The following DLG2 variants were observed in gnomAD, a reference collection of about 807,000 sequenced individuals.
DLG2 encodes disks large homolog 2.
DLG2 carries 45 observed loss-of-function variants against 132.5 expected under a neutral mutation model. That is an observed-to-expected ratio of 0.34 (90% CI 0.27 to 0.44). DLG2 has a LOEUF of 0.44. DLG2 is among the 20% of genes least tolerant of loss of function. DLG2 has a pLI of 1.00. For synonymous variants in DLG2, 424 were observed against 419.6 expected (o/e 1.01, Z -0.13); for missense variants, 1,045 against 1,196.9 (o/e 0.87, Z 1.87).
At chr11:85,389,309 GA>G (rs1226745738) in intron 3 of DLG2, among the ~76,000 whole-genome samples, 2 of 151,994 alleles carry the variant, frequency 1.3e-5, no homozygotes, top group Non-Finnish European at 2.9e-5. Context: ...CAACAACAAA[GA>G]AAAAATAATT....
intron 3 of DLG2, among the ~76,000 whole-genome samples, chr11:85,302,646 T>TAAAA (rs202166044): frequency 2.8e-5 from 3 of 105,892 alleles, no homozygotes; most frequent in Non-Finnish European, 2.1e-5. Flanking sequence ...CTTGAAAAGT[T>TAAAA]AAAAAAAAAA....
chr11:85,122,822 TTA>T (rs1220324600), intron 5 of DLG2, among the ~76,000 whole-genome samples: 34 of 147,560 alleles, frequency 2.3e-4, no homozygotes, highest in Non-Finnish European at 3.1e-4. Flanking sequence ...TACATGCAAA[TTA>T]TATATATATA....
chr11:84,191,180 A>G (rs1028246193), intron 8 of DLG2, among the ~76,000 whole-genome samples: 4 of 152,116 alleles, frequency 2.6e-5, no homozygotes, highest in African/African-American at 7.2e-5. Context: ...CAGTTTCTCA[A>G]TTTCTATATT....
intron 6 of DLG2, among the ~76,000 whole-genome samples, chr11:85,059,858 T>G (rs1014860127): frequency 6.6e-6 from 1 of 151,730 alleles, no homozygotes; most frequent in Admixed American, 6.6e-5. Context: ...CCCTGTGAGC[T>G]TTTCTGCATT....
chr11:84,139,488 G>C (rs1323429515), intron 9 of DLG2, among the ~76,000 whole-genome samples: 1 of 151,420 alleles, frequency 6.6e-6, no homozygotes, highest in Non-Finnish European at 1.5e-5. Context: ...AATAGCAATT[G>C]GACTAGTAGT....
At chr11:84,920,411 CT>C (rs2092699599) in intron 6 of DLG2, among the ~76,000 whole-genome samples, 1 of 152,168 alleles carries the variant, frequency 6.6e-6, no homozygotes, top group Admixed American at 6.5e-5. Context: ...CAAAACCTTT[CT>C]TGATTAGTCC....
At chr11:84,347,883 A>G (rs1260291658) in intron 7 of DLG2, among the ~76,000 whole-genome samples, 1 of 152,200 alleles carries the variant, frequency 6.6e-6, no homozygotes, top group African/African-American at 2.4e-5. Flanking sequence ...TACAGATTGC[A>G]TAAGGGTTTA....
intron 6 of DLG2, among the ~76,000 whole-genome samples, chr11:84,680,171 C>G (rs909133479): frequency 1.2e-4 from 18 of 152,084 alleles, no homozygotes; most frequent in Admixed American, 5.9e-4. Flanking sequence ...CATAGTCAAC[C>G]TCCTTCCTCC....
chr11:85,241,347 A>G (rs1427918317), intron 4 of DLG2, among the ~76,000 whole-genome samples: 1 of 151,660 alleles, frequency 6.6e-6, no homozygotes, highest in Non-Finnish European at 1.5e-5. Context: ...TGTTGCTTTT[A>G]TTTCTTATTT....
chr11:84,910,321 T>C (rs1023296348), intron 6 of DLG2, among the ~76,000 whole-genome samples: 4 of 152,252 alleles, frequency 2.6e-5, no homozygotes, highest in African/African-American at 9.6e-5. Context: ...GCTTCAATTT[T>C]TCTTTAATGT....
chr11:83,813,485 A>G (rs1322083723), intron 17 of DLG2, among the ~76,000 whole-genome samples: 4 of 152,094 alleles, frequency 2.6e-5, no homozygotes, highest in Non-Finnish European at 5.9e-5. Context: ...GAGTAACTAC[A>G]ATGCAGTGAC....
At chr11:85,556,204 T>G (rs1171511668) in intron 3 of DLG2, among the ~76,000 whole-genome samples, 1 of 151,876 alleles carries the variant, frequency 6.6e-6, no homozygotes, top group African/African-American at 2.4e-5. Flanking sequence ...ATTGCGTGTT[T>G]ACTATTACAG....
At chr11:84,360,232 C>A (rs61897664) in intron 7 of DLG2, among the ~76,000 whole-genome samples, 12,133 of 151,154 alleles carry the variant, frequency 0.08, 507 homozygotes, top group South Asian at 0.15. Flanking sequence ...AAATCCAATT[C>A]TAAAAAAAAT....
intron 6 of DLG2, among the ~76,000 whole-genome samples, chr11:85,082,847 C>G (rs1321921200): frequency 1.4e-5 from 2 of 146,462 alleles, no homozygotes; most frequent in Admixed American, 1.4e-4. Flanking sequence ...TGGTCAAATC[C>G]AATGAAAGAA....
chr11:84,370,830 T>A (rs1158004540), intron 7 of DLG2, among the ~76,000 whole-genome samples: 1 of 152,100 alleles, frequency 6.6e-6, no homozygotes, highest in East Asian at 1.9e-4. Flanking sequence ...GAACCAAAGT[T>A]CAAAGCAAAA....
chr11:85,242,531 T>G (rs76961539), intron 4 of DLG2, among the ~76,000 whole-genome samples: 1 of 151,770 alleles, frequency 6.6e-6, no homozygotes, highest in South Asian at 2.1e-4. Flanking sequence ...ACTCAGGTGT[T>G]GGTACCTCAA....
At chr11:85,261,080 G>C (rs1235558751) in intron 4 of DLG2, among the ~76,000 whole-genome samples, 1 of 152,184 alleles carries the variant, frequency 6.6e-6, no homozygotes, top group East Asian at 1.9e-4. Context: ...TAAAACAGTA[G>C]TGAGTTAAAG....
At chr11:84,043,560 A>G (rs1296242158) in intron 11 of DLG2, among the ~76,000 whole-genome samples, 1 of 151,660 alleles carries the variant, frequency 6.6e-6, no homozygotes, top group Non-Finnish European at 1.5e-5. Flanking sequence ...AGTAGGCCCC[A>G]GTGTATGTTG....
chr11:85,622,081 G>A (rs2081745147), intron 2 of DLG2, among the ~76,000 whole-genome samples: 1 of 152,138 alleles, frequency 6.6e-6, no homozygotes, highest in South Asian at 2.1e-4. Context: ...AACGAAGCAA[G>A]ATCTTCCACC....
Sources: gnomAD v4.1 joint callset for allele counts (sites outside exome capture counted in the v4.1 genomes callset) on GRCh38, gnomAD v4.1.1 for gene constraint, MANE v1.5 for transcripts, NCBI Gene and HGNC (gene_info 2026-07-23, HGNC 2026-07-21) for gene names.